The following VPS13C variants were observed in gnomAD, a reference collection of about 807,000 sequenced individuals.
VPS13C encodes intermembrane lipid transfer protein VPS13C.
Under a neutral mutation model 456.8 loss-of-function variants are expected in VPS13C, and 358 were observed. The ratio of observed to expected loss-of-function variants is 0.78; its 90% CI spans 0.72 to 0.86. VPS13C has a LOEUF of 0.86. Among genes scored for constraint, VPS13C ranks in the 40% least tolerant of loss-of-function variants. The probability of loss-of-function intolerance (pLI) is 0.00; values close to 1 mark genes in which losing one functional copy is unlikely to be tolerated. For synonymous variants in VPS13C, 1,578 were observed against 1,486.7 expected (o/e 1.06, Z -1.41); for missense variants, 4,818 against 4,385.4 (o/e 1.10, Z -2.79).
chr15:62,017,267 T>C (rs1245978385), intron 9 of VPS13C, among the ~76,000 whole-genome samples: 2 of 152,222 alleles, frequency 1.3e-5, no homozygotes, highest in South Asian at 2.1e-4. Context: ...TTTCTTTTGC[T>C]GTGCAGAAGC....
chr15:62,036,858 A>G (rs912263174), intron 3 of VPS13C, among the ~76,000 whole-genome samples: 1 of 151,716 alleles, frequency 6.6e-6, no homozygotes, highest in Admixed American at 6.6e-5. Flanking sequence ...GGGTAACTCA[A>G]GGGCACCCAC....
chr15:61,860,912 C>T (rs1366542931), intron 82 of VPS13C, among the ~76,000 whole-genome samples: 1 of 150,478 alleles, frequency 6.6e-6, no homozygotes, highest in Non-Finnish European at 1.5e-5. Context: ...CTACTATGTC[C>T]TAGGCAAACT....
intron 76 of VPS13C, among the ~76,000 whole-genome samples, 162 bp from the exon 77 acceptor site, chr15:61,875,113 T>G (rs1009583922): frequency 6.6e-6 from 1 of 152,094 alleles, no homozygotes; most frequent in African/African-American, 2.4e-5. Context: ...ATAGAATATC[T>G]ATTGTGTTTG....
At chr15:61,921,920 T>A in intron 55 of VPS13C, 27 bp downstream of exon 55, 1 of 1,597,674 alleles carries the variant, frequency 6.3e-7, no homozygotes, top group Non-Finnish European at 8.6e-7. Flanking sequence ...TATCATTCTA[T>A]CCAAAGATAT....
chr15:61,951,587 A>G (rs1207695883), intron 39 of VPS13C, among the ~76,000 whole-genome samples: 1 of 152,194 alleles, frequency 6.6e-6, no homozygotes, highest in African/African-American at 2.4e-5. Context: ...AGAAATGTTA[A>G]AACTCACATA....
Position 61,916,017 on chromosome 15 carries a change from TG to T in VPS13C, c.8060del (p.Thr2687LysfsTer24). ...PYSLRYLLEG[T>X]AETHELAEGS... Reference sequence around the variant, plus strand: ...CTTCTGCCAGCTCATGAGTTTCTGCTGTTCCCTAAAAACAAACAAAAATTCG... The same window carrying T: ...CTTCTGCCAGCTCATGAGTTTCTGCTTTCCCTAAAAACAAACAAAAATTCG... On this transcript the variant is annotated frameshift_variant, in exon 61 of 85. Coordinates refer to ENST00000644861, the MANE Select transcript of VPS13C (RefSeq NM_020821.3). LOFTEE classifies it high-confidence loss of function. The T allele has an allele frequency of 6.4e-7, 1 of 1,557,236 alleles. No individual in the cohort carries two copies. The highest frequency in any genetic ancestry group is 8.7e-7 in the Non-Finnish European group (1 of 1,150,686).
chr15:61,942,021 G>T lies in VPS13C; in HGVS notation c.5195C>A (p.Ala1732Asp). The part of the protein sequence containing the change: ...FQTAKEALST[A>D]TVQAAERAAS... ...AGCTCTTTCTGCAGCCTGGACTGTG[G>T]CTGTACTCAAAGCTTCTTTAGCAGT... Residue 1732 changes from alanine to aspartate, a missense_variant, in exon 46 of 85, where the codon GCC becomes GAC. Physicochemically the swap from Ala to Asp is moderately radical, Grantham distance 126. Coordinates refer to ENST00000644861, the MANE Select transcript of VPS13C (RefSeq NM_020821.3). 6.2e-7 allele frequency: 1 copy of T among 1,611,730 alleles called. No homozygotes were observed. Among genetic ancestry groups the T allele is most frequent in the Non-Finnish European group, 8.5e-7 (1 of 1,178,394 alleles).
rs2045410046 is a variant in VPS13C, at chr15:61,967,379, C to G, written c.2980G>C (p.Glu994Gln). The change falls in exon 29 of 85, where the codon GAG (glutamate) becomes CAG (glutamine). Residue 994 changes from glutamate to glutamine, a missense_variant. Glu to Gln is a conservative substitution (Grantham distance 29, BLOSUM62 2). Coordinates refer to ENST00000644861, the MANE Select transcript of VPS13C (RefSeq NM_020821.3). ...TCTATAGCCCTTACCTTAATATACT[C>G]CACTTTCAAAAGATCTAATCCAGGT... ...DKPGLDLLKV[E>Q]YIKADKNGPS... The G allele has an allele frequency of 9.3e-6, 15 of 1,606,364 alleles. No homozygotes were observed. The highest frequency in any genetic ancestry group is 1.3e-5 in the Non-Finnish European group (15 of 1,176,016).
chr15:61,922,128 A>G, intron 54 of VPS13C, 95 bp from the exon 55 acceptor site: 1 of 1,326,552 alleles, frequency 7.5e-7, no homozygotes. Flanking sequence ...TCAATGTTAT[A>G]TATCATTAGC....
chr15:61,984,064 TAATGGACTA>T, intron 19 of VPS13C, 52 bp from the exon 20 acceptor site: 1 of 1,522,808 alleles, frequency 6.6e-7, no homozygotes, highest in South Asian at 1.2e-5. Flanking sequence ...TTTTGTAATC[TAATGGACTA>T]AAATACAAAT....
chr15:61,873,798 G>C (rs961554788), intron 77 of VPS13C, among the ~76,000 whole-genome samples: 2 of 152,076 alleles, frequency 1.3e-5, no homozygotes, highest in Non-Finnish European at 1.5e-5. Flanking sequence ...ACTACCGTAT[G>C]ATCCAGCAAT....
intron 39 of VPS13C, 110 bp downstream of exon 39, chr15:61,951,714 G>A (rs2044800356): frequency 4.2e-6 from 5 of 1,190,450 alleles, no homozygotes; most frequent in Non-Finnish European, 5.6e-6. Context: ...TTGAGTTAAT[G>A]TACTAGGAAA....
chr15:61,974,620 C>T (rs2045650952), intron 24 of VPS13C, among the ~76,000 whole-genome samples: 1 of 152,118 alleles, frequency 6.6e-6, no homozygotes, highest in African/African-American at 2.4e-5. Flanking sequence ...CAACATATCC[C>T]TCTTAAGTAG....
intron 49 of VPS13C, among the ~76,000 whole-genome samples, chr15:61,931,737 C>T (rs141340125): frequency 3.3e-5 from 5 of 151,694 alleles, no homozygotes; most frequent in South Asian, 2.1e-4. Flanking sequence ...CCACCATGCC[C>T]GGCTAATTTT....
In VPS13C at chr15:61,913,413, T is replaced by C. The variant is rs148814312; in HGVS notation, c.8448A>G (p.Val2816=). ...KKKNIFTKNK[V]QLKISTSAWS... is the part of the protein sequence containing the mutation. ...AGGCACTGGTTGAAATTTTTAATTG[T>C]ACCTATACCAGAGAGCACATATCGT... The change falls in exon 62 of 85, where the codon GTA becomes GTG. Residue 2816 remains valine, a splice_region_variant and synonymous_variant. Coordinates refer to ENST00000644861, the MANE Select transcript of VPS13C (RefSeq NM_020821.3). 2.5e-6 allele frequency: 4 copies of C among 1,612,480 alleles called. No homozygotes were observed. In the East Asian group the frequency reaches 6.7e-5, roughly 27 times the overall value.
At chr15:61,870,674 ACT>A (rs1223289114) in intron 79 of VPS13C, among the ~76,000 whole-genome samples, 1 of 152,028 alleles carries the variant, frequency 6.6e-6, no homozygotes, top group Non-Finnish European at 1.5e-5. Flanking sequence ...ACACATGGTG[ACT>A]CTGTGTTTAA....
rs748429074 is a variant in VPS13C at position 62,008,693 on chromosome 15, G to A, written c.1080C>T (p.Tyr360=). The A allele has an allele frequency of 1.2e-6, 2 of 1,607,834 alleles. No individual in the cohort carries two copies. The highest frequency in any genetic ancestry group is 1.7e-6 in the Non-Finnish European group (2 of 1,176,804). ...YMVRNAPYRK[Y]KPYLPLHTNG... ...TGGTATGAAGTGGTAAATAAGGCTT[G>A]TATTTCCTATAAGGCGCATTCCTAA... The change falls in exon 14 of 85, where the codon TAC becomes TAT. Residue 360 remains tyrosine (Y), a synonymous_variant. Transcript: ENST00000644861.
Position 61,919,433 on chromosome 15 carries a change from T to C in VPS13C, c.7494A>G (p.Thr2498=), listed in dbSNP as rs373890764. The C allele has an allele frequency of 7.4e-5, 117 of 1,585,790 alleles. No homozygotes were observed. Among genetic ancestry groups the C allele is most frequent in the Non-Finnish European group, 9.6e-5 (112 of 1,169,600 alleles). The change falls in exon 58 of 85, where the codon ACA becomes ACG. Residue 2498 remains threonine (T), a synonymous_variant. Transcript: ENST00000644861. ...FTLTIVPHGY[T]EVANIPVARP... ...TGGCCACAGGGATATTTGCAACTTCTGTATATCCATGAGGTACTAAGGCAG... is the reference window on the plus strand; with the variant it reads ...TGGCCACAGGGATATTTGCAACTTCCGTATATCCATGAGGTACTAAGGCAG...
intron 10 of VPS13C, among the ~76,000 whole-genome samples, chr15:62,013,466 G>A (rs1490114127): frequency 6.6e-6 from 1 of 151,754 alleles, no homozygotes; most frequent in East Asian, 1.9e-4. Context: ...GCTGTTTCCT[G>A]AAAACAGGTG....
Sources: gnomAD v4.1 joint callset for allele counts (sites outside exome capture counted in the v4.1 genomes callset) on GRCh38, gnomAD v4.1.1 for gene constraint, MANE v1.5 for transcripts, NCBI Gene and HGNC (gene_info 2026-07-23, HGNC 2026-07-21) for gene names.